The following PACRG variants were observed in gnomAD, a reference collection of about 807,000 sequenced individuals.
PACRG encodes parkin coregulated.
Under a neutral mutation model 29.7 loss-of-function variants are expected in PACRG, and 29 were observed. The ratio of observed to expected loss-of-function variants is 0.98; its 90% CI spans 0.73 to 1.33. The LOEUF (loss-of-function observed/expected upper bound fraction) is 1.33. PACRG is among the 40% of genes most tolerant of loss of function. PACRG has a pLI of 0.00. For synonymous variants in PACRG, 116 were observed against 118.7 expected (o/e 0.98, Z 0.15); for missense variants, 279 against 316.2 (o/e 0.88, Z 0.89).
chr6:163,091,639 A>T (rs1254015751), intron 4 of PACRG, among the ~76,000 whole-genome samples: 1 of 152,194 alleles, frequency 6.6e-6, no homozygotes, highest in Non-Finnish European at 1.5e-5. Context: ...CTGTATTTTC[A>T]GAGGGTCCTA....
chr6:162,801,181 C>T (rs889338856), intron 1 of PACRG, among the ~76,000 whole-genome samples: 4 of 152,072 alleles, frequency 2.6e-5, no homozygotes, highest in Admixed American at 2.6e-4. Context: ...GATATCTTGC[C>T]TCACTGCAAC....
At chr6:163,240,028 C>T (rs78327096) in intron 4 of PACRG, among the ~76,000 whole-genome samples, 8,341 of 148,292 alleles carry the variant, frequency 0.056, 330 homozygotes, top group Non-Finnish European at 0.083. Flanking sequence ...ATACACACAC[C>T]CTCACCCCTA....
intron 4 of PACRG, among the ~76,000 whole-genome samples, chr6:163,275,094 A>G (rs559892755): frequency 4.6e-5 from 7 of 152,044 alleles, no homozygotes; most frequent in African/African-American, 1.7e-4. Flanking sequence ...GGCTGGTCTC[A>G]AACTTCTGAC....
At chr6:163,250,031 A>C (rs966058674) in intron 4 of PACRG, among the ~76,000 whole-genome samples, 23 of 152,102 alleles carry the variant, frequency 1.5e-4, no homozygotes, top group African/African-American at 5.1e-4. Context: ...TAGGACTGCC[A>C]CTCTTGTGAA....
chr6:163,205,168 T>C (rs1183653881), intron 4 of PACRG, among the ~76,000 whole-genome samples: 1 of 152,228 alleles, frequency 6.6e-6, no homozygotes, highest in East Asian at 1.9e-4. Context: ...TTCGATGCTA[T>C]TCCAATTAAT....
At chr6:162,824,088 G>A (rs553909140) in intron 2 of PACRG, among the ~76,000 whole-genome samples, 3 of 152,276 alleles carry the variant, frequency 2.0e-5, no homozygotes, top group East Asian at 3.9e-4. Context: ...CATTTTGCTT[G>A]TGGGACACAC....
At chr6:163,134,176 G>A (rs1816842283) in intron 4 of PACRG, among the ~76,000 whole-genome samples, 1 of 152,162 alleles carries the variant, frequency 6.6e-6, no homozygotes, top group Non-Finnish European at 1.5e-5. Flanking sequence ...TCCTGCTTCA[G>A]TTGCTGGCTC....
At position 163,053,855 on chromosome 6, in the gene PACRG, A is replaced by G. The variant is rs74796843; in HGVS notation, c.292-8295A>G. On this transcript the variant is annotated intron_variant, in intron 2 of 4. Coordinates refer to ENST00000366888, the MANE Select transcript of PACRG (RefSeq NM_001080379.2). Reference sequence around the variant, plus strand: ...TGTTCCTTAGCAGGACAGCCCTCTCAAGGAAGTTAACACAGGGCAGATTCA... The same window carrying G: ...TGTTCCTTAGCAGGACAGCCCTCTCGAGGAAGTTAACACAGGGCAGATTCA... The G allele has an allele frequency of 3.8e-3, 582 of 152,280 alleles. 5 individuals carry two copies. The highest frequency in any genetic ancestry group is 0.013 in the African/African-American group (543 of 41,522). 9.4% of individuals were successfully genotyped at this position (152,280 alleles called of 1,614,324 possible).
At chr6:162,862,783 C>G (rs1791973029) in intron 2 of PACRG, among the ~76,000 whole-genome samples, 1 of 152,154 alleles carries the variant, frequency 6.6e-6, no homozygotes, top group African/African-American at 2.4e-5. Flanking sequence ...GGAAGTGCCA[C>G]CACATCCCAG....
At chr6:162,742,716 C>G (rs1348788575) in intron 1 of PACRG, among the ~76,000 whole-genome samples, 1 of 151,956 alleles carries the variant, frequency 6.6e-6, no homozygotes, top group African/African-American at 2.4e-5. Flanking sequence ...ATATGCTACA[C>G]TTTCTTTAAC....
intron 2 of PACRG, among the ~76,000 whole-genome samples, chr6:162,889,811 C>T (rs1376214033): frequency 1.3e-5 from 2 of 152,198 alleles, no homozygotes; most frequent in African/African-American, 4.8e-5. Flanking sequence ...ACTTCATACT[C>T]ATTAAATGAA....
At chr6:162,895,240 A>C (rs1795079018) in intron 2 of PACRG, among the ~76,000 whole-genome samples, 1 of 143,960 alleles carries the variant, frequency 6.9e-6, no homozygotes, top group Admixed American at 7.2e-5. Flanking sequence ...ACCGCACTCC[A>C]GTCTGGGTGA....
chr6:162,825,734 G>A (rs973141908), intron 2 of PACRG, among the ~76,000 whole-genome samples: 3 of 152,032 alleles, frequency 2.0e-5, no homozygotes, highest in East Asian at 1.9e-4. Flanking sequence ...AGGCCCTCGC[G>A]GCCTGGGTTG....
intron 4 of PACRG, among the ~76,000 whole-genome samples, chr6:163,247,044 A>G (rs1782723841): frequency 6.6e-6 from 1 of 152,234 alleles, no homozygotes; most frequent in Admixed American, 6.5e-5. Context: ...GGCCCAAAAG[A>G]AAATGCAGTA....
At position 163,308,382 on chromosome 6, in the gene PACRG, T is replaced by G. The variant is rs2128192511; in HGVS notation, c.614-6445T>G. Reference sequence around the variant, plus strand: ...AATCCAATAAACACAAAGGAAAAATTTGGCTGGGTGTGGTGGCTCACGCCT... The same window carrying G: ...AATCCAATAAACACAAAGGAAAAATGTGGCTGGGTGTGGTGGCTCACGCCT... On this transcript the variant is annotated intron_variant, in intron 4 of 4. Coordinates refer to ENST00000366888, the MANE Select transcript of PACRG (RefSeq NM_001080379.2). Among the ~76,000 whole-genome samples the G allele has an allele frequency of 1.3e-5, 2 of 152,320 alleles. 1 individual carries two copies. The highest frequency in any genetic ancestry group is 1.3e-4 in the Admixed American group (2 of 15,290).
intron 1 of PACRG, among the ~76,000 whole-genome samples, chr6:162,802,923 G>A (rs555524010): frequency 7.9e-5 from 12 of 151,990 alleles, no homozygotes; most frequent in African/African-American, 2.9e-4. Context: ...GTACTGTCTT[G>A]GGGCCTCAGC....
intron 4 of PACRG, among the ~76,000 whole-genome samples, chr6:163,182,253 AT>A (rs2128354586): frequency 6.6e-6 from 1 of 152,284 alleles, no homozygotes; most frequent in South Asian, 2.1e-4. Flanking sequence ...ATTTCTGCAA[AT>A]TTGTGTTCAT....
At chr6:162,852,657 A>G (rs1791021340) in intron 2 of PACRG, among the ~76,000 whole-genome samples, 1 of 152,186 alleles carries the variant, frequency 6.6e-6, no homozygotes, top group Non-Finnish European at 1.5e-5. Flanking sequence ...ATACTAATTT[A>G]TTGTTAGATA....
At chr6:162,805,261 G>GT (rs919123117) in intron 1 of PACRG, among the ~76,000 whole-genome samples, 1 of 152,044 alleles carries the variant, frequency 6.6e-6, no homozygotes, top group South Asian at 2.1e-4. Context: ...GAGTCACGTG[G>GT]TTTTTTTGTT....
Sources: gnomAD v4.1 joint callset for allele counts (sites outside exome capture counted in the v4.1 genomes callset) on GRCh38, gnomAD v4.1.1 for gene constraint, MANE v1.5 for transcripts, NCBI Gene and HGNC (gene_info 2026-07-23, HGNC 2026-07-21) for gene names.